TMEM178A: variants seen among roughly 807,000 people sequenced by gnomAD.
The protein encoded by TMEM178A is transmembrane protein 178A, also known as transmembrane protein 178.
TMEM178A carries 12 observed loss-of-function variants against 29.1 expected under a neutral mutation model. That is an observed-to-expected ratio of 0.41 (90% CI 0.26 to 0.67). The LOEUF (loss-of-function observed/expected upper bound fraction) is 0.67, where lower values mean the gene tolerates loss of function less well. TMEM178A is among the 30% of genes least tolerant of loss of function. The pLI, the probability that TMEM178A is intolerant of heterozygous loss-of-function variation, is 0.29. For synonymous variants in TMEM178A, 210 were observed against 187.2 expected, an observed-to-expected ratio of 1.12 and a Z score of -0.99; for missense variants, 366 against 419.1, an observed-to-expected ratio of 0.87 and a Z score of 1.11.
At chr2:39,694,855 A>C (rs1671470671) in intron 1 of TMEM178A, among the ~76,000 whole-genome samples, 1 of 152,206 alleles carries the variant, frequency 6.6e-6, no homozygotes, top group Non-Finnish European at 1.5e-5. Context: ...AGAGCTGCTT[A>C]GATTTACTAA....
chr2:39,689,813 G>A (rs1671234779), intron 1 of TMEM178A, among the ~76,000 whole-genome samples: 1 of 152,128 alleles, frequency 6.6e-6, no homozygotes, highest in Non-Finnish European at 1.5e-5. Context: ...ATACCCCTGT[G>A]GTAACTCAGG....
intron 1 of TMEM178A, among the ~76,000 whole-genome samples, chr2:39,672,875 T>G (rs1670463845): frequency 6.6e-6 from 1 of 152,056 alleles, no homozygotes; most frequent in Non-Finnish European, 1.5e-5. Flanking sequence ...AAAGATCAGT[T>G]TTTGTTGGAG....
intron 1 of TMEM178A, among the ~76,000 whole-genome samples, chr2:39,667,024 G>A (rs1233263949): frequency 3.3e-5 from 5 of 152,188 alleles, no homozygotes; most frequent in African/African-American, 4.8e-5. Flanking sequence ...GAGACCAATC[G>A]TTGGCTGGTG....
At chr2:39,678,711 C>T (rs947074019) in intron 1 of TMEM178A, among the ~76,000 whole-genome samples, 2 of 152,194 alleles carry the variant, frequency 1.3e-5, no homozygotes, top group African/African-American at 4.8e-5. Context: ...CCCCAAATCT[C>T]TGATAATTTC....
chr2:39,701,773 A>C (rs1671793041), intron 1 of TMEM178A, among the ~76,000 whole-genome samples: 1 of 152,040 alleles, frequency 6.6e-6, no homozygotes, highest in Non-Finnish European at 1.5e-5. Flanking sequence ...CAATGGACCT[A>C]TCTTCAAGTT....
intron 1 of TMEM178A, among the ~76,000 whole-genome samples, chr2:39,680,019 C>G (rs1670800688): frequency 6.6e-6 from 1 of 152,076 alleles, no homozygotes; most frequent in Non-Finnish European, 1.5e-5. Context: ...GTTTTACTGG[C>G]ATTCTGAAGC....
intron 3 of TMEM178A, among the ~76,000 whole-genome samples, chr2:39,713,578 A>G (rs1672403770): frequency 6.6e-6 from 1 of 152,252 alleles, no homozygotes; most frequent in Non-Finnish European, 1.5e-5. Context: ...GTGAAGACAC[A>G]GGGAGAAGAT....
the TMEM178A span, among the ~76,000 whole-genome samples, chr2:39,728,695 G>C: frequency 6.6e-6 from 1 of 151,222 alleles, no homozygotes; most frequent in Non-Finnish European, 1.5e-5. Flanking sequence ...CTACATCACT[G>C]TCACTCACTT....
chr2:39,670,645 C>T (rs1395592077), intron 1 of TMEM178A, among the ~76,000 whole-genome samples: 1 of 152,184 alleles, frequency 6.6e-6, no homozygotes, highest in Non-Finnish European at 1.5e-5. Context: ...GAAGACAGGA[C>T]AGATGGAAGC....
At chr2:39,680,375 C>G (rs758599376) in intron 1 of TMEM178A, among the ~76,000 whole-genome samples, 1 of 152,214 alleles carries the variant, frequency 6.6e-6, no homozygotes, top group Non-Finnish European at 1.5e-5. Flanking sequence ...ATTGTTCACT[C>G]ACAGAGCTTT....
intron 1 of TMEM178A, among the ~76,000 whole-genome samples, chr2:39,676,267 T>C (rs1182120482): frequency 6.6e-6 from 1 of 152,226 alleles, no homozygotes; most frequent in Non-Finnish European, 1.5e-5. Context: ...TATTATCTTG[T>C]GTAACAGGAC....
chr2:39,667,215 T>C (rs1035408084), intron 1 of TMEM178A, among the ~76,000 whole-genome samples: 2 of 152,254 alleles, frequency 1.3e-5, no homozygotes, highest in Non-Finnish European at 2.9e-5. Flanking sequence ...CTTCTGTTCG[T>C]GGTACCTTGT....
intron 1 of TMEM178A, among the ~76,000 whole-genome samples, chr2:39,689,451 C>T: frequency 6.6e-6 from 1 of 151,880 alleles, no homozygotes; most frequent in East Asian, 1.9e-4. Context: ...AAGCCATGTG[C>T]TAAATAAATG....
intron 1 of TMEM178A, among the ~76,000 whole-genome samples, chr2:39,690,570 G>A (rs184117945): frequency 1.3e-5 from 2 of 152,304 alleles, no homozygotes; most frequent in East Asian, 1.9e-4. Flanking sequence ...AGTGGGACAG[G>A]TGTGTCCATA....
chr2:39,704,177 A>G lies in TMEM178A; in HGVS notation c.497A>G (p.Asp166Gly). The G allele has an allele frequency of 1.9e-6, 3 of 1,614,098 alleles. No homozygotes were observed. The highest frequency in any genetic ancestry group is 2.5e-6 in the Non-Finnish European group (3 of 1,179,952). The stretch of plus-strand genomic sequence containing the variant: ...AATTTAACCAAGACCATACAGCAAG[A>G]TGAGTGGCACCTGCTTCGTAAGTAT... Reference protein sequence around the residue: ...PFNLTKTIQQDEWHLLHLRRI... With the variant: ...PFNLTKTIQQGEWHLLHLRRI... Residue 166 changes from aspartate (D) to glycine (G), a missense_variant, in exon 2 of 4, where the codon GAT becomes GGT. Coordinates refer to ENST00000281961, the MANE Select transcript of TMEM178A (RefSeq NM_152390.3).
At chr2:39,666,982 T>C (rs1180594058) in intron 1 of TMEM178A, among the ~76,000 whole-genome samples, 2 of 152,204 alleles carry the variant, frequency 1.3e-5, no homozygotes, top group Non-Finnish European at 2.9e-5. Flanking sequence ...TTCATACCCC[T>C]GAAGTGCAGG....
In TMEM178A at chr2:39,714,386, A is replaced by G. The variant is rs140780791; in HGVS notation, c.653-2624A>G. Among the ~76,000 whole-genome samples, 1,242 of 152,244 alleles carry G rather than the reference A, an allele frequency of 8.2e-3. 23 individuals carry two copies. The highest frequency in any genetic ancestry group is 0.044 in the Admixed American group (667 of 15,290). On this transcript the variant is annotated intron_variant, in intron 3 of 3. Transcript: ENST00000281961. ...AAAACTTAACTGGCATAGAGATAAC[A>G]CTTAAATTAATACAAATAAATAAAG... is the stretch of plus-strand genomic sequence containing the variant.
Position 39,717,341 on chromosome 2 carries a change from A to T in TMEM178A, c.*90A>T. ...GTCCAAGCACAAAGCGGTCTTTTACATTCCAACCTGTTGCCTGCCAGCCCT... is the reference window on the plus strand; with the variant it reads ...GTCCAAGCACAAAGCGGTCTTTTACTTTCCAACCTGTTGCCTGCCAGCCCT... On this transcript the variant is annotated 3_prime_UTR_variant, in exon 4 of 4. Coordinates refer to ENST00000281961, the MANE Select transcript of TMEM178A (RefSeq NM_152390.3). 1 of 1,500,110 alleles carries T rather than the reference A, an allele frequency of 6.7e-7. No homozygotes were observed. The highest frequency in any genetic ancestry group is 8.9e-7 in the Non-Finnish European group (1 of 1,122,896). 92.9% of individuals were successfully genotyped at this position (1,500,110 alleles called of 1,614,324 possible).
At chr2:39,707,407 G>T (rs1220653003) in intron 3 of TMEM178A, among the ~76,000 whole-genome samples, 5 of 152,172 alleles carry the variant, frequency 3.3e-5, no homozygotes, top group African/African-American at 1.2e-4. Flanking sequence ...TTAGTAGGTT[G>T]GATGGAAGTG....
Sources: gnomAD v4.1 joint callset for allele counts (sites outside exome capture counted in the v4.1 genomes callset) on GRCh38, gnomAD v4.1.1 for gene constraint, MANE v1.5 for transcripts, NCBI Gene and HGNC (gene_info 2026-07-23, HGNC 2026-07-21) for gene names.